Variants in STAB2 observed in about 807,000 individuals in gnomAD.
STAB2 encodes the protein stabilin 2.
STAB2 carries 288 observed loss-of-function variants against 338.1 expected under a neutral mutation model. The ratio of observed to expected loss-of-function variants is 0.85; its 90% confidence interval spans 0.77 to 0.94. The LOEUF is 0.94. STAB2 is among the 40% of genes least tolerant of loss of function. STAB2 has a pLI of 0.00. For missense variants in STAB2, 3,141 were observed against 3,210.1 expected, an observed-to-expected ratio of 0.98 and a Z score of 0.52; for synonymous variants, 1,202 against 1,193.3, an observed-to-expected ratio of 1.01 and a Z score of -0.15.
At chr12:103,662,727 A>AG in intron 17 of STAB2, 119 bp from the exon 18 acceptor site, 1 of 1,173,736 alleles carries the variant, frequency 8.5e-7, no homozygotes, top group African/African-American at 1.5e-5. Flanking sequence ...TCCAATGAAA[A>AG]GTTAAGTGAT....
At chr12:103,648,473 T>A (rs1428061833) in intron 9 of STAB2, among the ~76,000 whole-genome samples, 1 of 152,160 alleles carries the variant, frequency 6.6e-6, no homozygotes. Flanking sequence ...ACAAAGAGCA[T>A]ACAAAGATAT....
intron 29 of STAB2, 104 bp downstream of exon 29, chr12:103,690,086 G>A (rs1032755071): frequency 2.0e-6 from 3 of 1,470,448 alleles, no homozygotes; most frequent in African/African-American, 2.8e-5. Context: ...CAAATTCGTG[G>A]AGCTGAACAT....
In STAB2 at chr12:103,631,601, G is replaced by A. The variant is rs760716230; in HGVS notation, c.491G>A (p.Cys164Tyr). Residue 164 changes from cysteine to tyrosine, a missense_variant, in exon 6 of 69, where the codon TGC becomes TAC. Physicochemically the swap from Cys to Tyr is radical, Grantham distance 194. Coordinates refer to ENST00000388887, the MANE Select transcript of STAB2 (RefSeq NM_017564.10). ...NLFGPSCSSV[C>Y]NCVHGVCNSG... ...ATCCCCCACTTTCTGTCTCCAGTGT[G>A]CAACTGTGTGCATGGGGTGTGCAAC... 2 of 1,613,960 alleles carry A rather than the reference G, an allele frequency of 1.2e-6. No individual in the cohort carries two copies. Among genetic ancestry groups the A allele is most frequent in the South Asian group, 1.1e-5 (1 of 91,070 alleles).
chr12:103,670,099 T>G (rs74688983), intron 21 of STAB2, among the ~76,000 whole-genome samples: 8,320 of 152,218 alleles, frequency 0.055, 227 homozygotes, highest in African/African-American at 0.065. Context: ...TACAGGGAAA[T>G]TATACATCTG....
Position 103,674,007 on chromosome 12 carries a change from T to C in STAB2, c.2472T>C (p.Asp824=). ...CRDGSAGRLC[D]KQTSACGPYV... Reference sequence around the variant, plus strand: ...ACGGCTCTGCCGGGAGACTCTGTGATAAGCAGACCTCAGCCTGTGGGCCCT... The same window carrying C: ...ACGGCTCTGCCGGGAGACTCTGTGACAAGCAGACCTCAGCCTGTGGGCCCT... Residue 824 remains aspartate, a synonymous_variant, in exon 23 of 69, where the codon GAT becomes GAC. Transcript: ENST00000388887. 1.2e-6 allele frequency: 2 copies of C among 1,614,124 alleles called. No individual in the cohort carries two copies. Among genetic ancestry groups the C allele is most frequent in the Non-Finnish European group, 1.7e-6 (2 of 1,180,014 alleles).
Position 103,753,226 on chromosome 12 carries a change from C to T in STAB2, c.6587C>T (p.Thr2196Ile). 1 of 1,614,196 alleles carries T rather than the reference C, an allele frequency of 6.2e-7. No individual in the cohort carries two copies. Among genetic ancestry groups the T allele is most frequent in the Middle Eastern group, 1.6e-4 (1 of 6,062 alleles). ...CCTCCTCTTCCTCATCCAGATACCA[C>T]TGTTGGGGTGTTCCATCTACGCTCC... is the stretch of plus-strand genomic sequence containing the variant. Reference protein sequence around the residue: ...KCVDLHFQDTTVGVFHLRSPL... With the variant: ...KCVDLHFQDTIVGVFHLRSPL... The change falls in exon 61 of 69, where the codon ACT (threonine) becomes ATT (isoleucine). Residue 2196 changes from threonine to isoleucine, a missense_variant. Thr to Ile is a moderately conservative substitution (Grantham distance 89, BLOSUM62 -1). Coordinates refer to ENST00000388887, the MANE Select transcript of STAB2 (RefSeq NM_017564.10).
At chr12:103,633,342 C>T (rs371675985) in intron 6 of STAB2, among the ~76,000 whole-genome samples, 58 of 152,266 alleles carry the variant, frequency 3.8e-4, no homozygotes, top group Non-Finnish European at 6.9e-4. Flanking sequence ...ATTTTTATAA[C>T]AAAAAATTGG....
At chr12:103,622,006 T>C in intron 4 of STAB2, 36 bp from the exon 5 acceptor site, 1 of 1,611,500 alleles carries the variant, frequency 6.2e-7, no homozygotes, top group South Asian at 1.1e-5. Flanking sequence ...ATGGGTCACC[T>C]TGGGTCTAAT....
intron 3 of STAB2, among the ~76,000 whole-genome samples, chr12:103,613,555 G>A (rs1957162035): frequency 6.6e-6 from 1 of 152,176 alleles, no homozygotes; most frequent in Non-Finnish European, 1.5e-5. Flanking sequence ...ATCAGGGTGG[G>A]GGTGACCCGA....
In STAB2 at chr12:103,720,936, T is replaced by C. The variant is rs533387097; in HGVS notation, c.4683+3095T>C. ...TCCCTTGGGTCTCTGTTTTCTTCTC[T>C]TTTCACATCAGAAGGGTAATGTGTC... On this transcript the variant is annotated intron_variant, in intron 44 of 68. Coordinates refer to ENST00000388887, the MANE Select transcript of STAB2 (RefSeq NM_017564.10). Among the ~76,000 whole-genome samples the C allele has an allele frequency of 5.3e-5, 8 of 152,342 alleles. No individual in the cohort carries two copies. The East Asian group carries it at 1.5e-3, about 29-fold the overall frequency.
chr12:103,719,152 G>T (rs533598711), intron 44 of STAB2, among the ~76,000 whole-genome samples: 1 of 152,206 alleles, frequency 6.6e-6, no homozygotes, highest in Non-Finnish European at 1.5e-5. Context: ...AAAGGGATGA[G>T]ATAAGCCTGC....
chr12:103,594,593 A>G, intron 3 of STAB2, 83 bp downstream of exon 3: 6 of 1,089,640 alleles, frequency 5.5e-6, no homozygotes, highest in Non-Finnish European at 8.5e-6. Flanking sequence ...AAGCCCAATA[A>G]AAAGAAGAAT....
At chr12:103,735,205 C>G (rs752167576) in intron 51 of STAB2, among the ~76,000 whole-genome samples, 2 of 152,128 alleles carry the variant, frequency 1.3e-5, no homozygotes, top group African/African-American at 4.8e-5. Flanking sequence ...TGGCTTCATA[C>G]GCTAAGACTG....
intron 9 of STAB2, among the ~76,000 whole-genome samples, chr12:103,647,112 G>T (rs183256163): frequency 6.6e-6 from 1 of 152,320 alleles, no homozygotes; most frequent in Non-Finnish European, 1.5e-5. Context: ...AGTCAGTGAG[G>T]GTTTTAAGCA....
At chr12:103,670,870 G>A (rs1593210781) in intron 22 of STAB2, 63 bp downstream of exon 22, 2 of 1,391,834 alleles carry the variant, frequency 1.4e-6, no homozygotes, top group East Asian at 4.8e-5. Context: ...TGCTGCAGCA[G>A]GGTGCTGGTG....
intron 5 of STAB2, among the ~76,000 whole-genome samples, chr12:103,624,984 TTTAAAG>T (rs1168273218): frequency 2.0e-5 from 3 of 151,132 alleles, no homozygotes; most frequent in Admixed American, 2.0e-4. Flanking sequence ...CCCGTGTGTT[TTTAAAG>T]TTAAACATTA....
intron 1 of STAB2, 111 bp from the exon 2 acceptor site, chr12:103,590,786 C>A: frequency 7.8e-7 from 1 of 1,279,930 alleles, no homozygotes; most frequent in Non-Finnish European, 1.1e-6. Flanking sequence ...CCATCCCTGA[C>A]GTTCCATTGA....
chr12:103,748,443 G>A (rs1230653478), intron 58 of STAB2, among the ~76,000 whole-genome samples: 2 of 152,118 alleles, frequency 1.3e-5, no homozygotes, highest in Non-Finnish European at 2.9e-5. Flanking sequence ...AAACCAACCT[G>A]GGTTTAAATC....
rs1214555209 is a variant in STAB2 at position 103,704,013 on chromosome 12, A to G, written c.3844-545A>G. 2.0e-5 allele frequency among the ~76,000 whole-genome samples: 3 copies of G among 152,336 alleles called. No individual in the cohort carries two copies. The East Asian group carries it at 5.8e-4, about 29-fold the overall frequency. ...GGTTTAAATGTAGGCAGCCTGGCCC[A>G]GAACTGGAACCCTGAACAACCACAT... On this transcript the variant is annotated intron_variant, in intron 35 of 68. Transcript: ENST00000388887.
Sources: gnomAD v4.1 joint callset for allele counts (sites outside exome capture counted in the v4.1 genomes callset) on GRCh38, gnomAD v4.1.1 for gene constraint, MANE v1.5 for transcripts, NCBI Gene and HGNC (gene_info 2026-07-23, HGNC 2026-07-21) for gene names.